Variants in ASCC3 observed in about 807,000 individuals in gnomAD.
ASCC3 encodes the protein ASC-1 complex subunit P200.
A neutral mutation model predicts 256.3 loss-of-function variants in ASCC3; 158 were observed. The ratio of observed to expected loss-of-function variants is 0.62; its 90% CI spans 0.54 to 0.70. The LOEUF is 0.70. ASCC3 is among the 30% of genes least tolerant of loss of function. ASCC3 has a pLI of 0.00. For synonymous variants in ASCC3, 948 were observed against 883.4 expected, an observed-to-expected ratio of 1.07 and a Z score of -1.30; for missense variants, 2,259 against 2,626.0, an observed-to-expected ratio of 0.86 and a Z score of 3.05.
intron 8 of ASCC3, among the ~76,000 whole-genome samples, chr6:100,775,928 A>C (rs2115155854): frequency 6.6e-6 from 1 of 152,184 alleles, no homozygotes; most frequent in East Asian, 1.9e-4. Context: ...TGAAATAATT[A>C]ACATCCATTA....
intron 36 of ASCC3, among the ~76,000 whole-genome samples, chr6:100,546,693 T>C (rs1461612458): frequency 6.6e-6 from 1 of 152,132 alleles, no homozygotes; most frequent in Non-Finnish European, 1.5e-5. Context: ...ATTTAACAAG[T>C]TTATTTATAG....
intron 3 of ASCC3, among the ~76,000 whole-genome samples, chr6:100,853,127 T>C (rs561116393): frequency 4.6e-5 from 7 of 152,276 alleles, no homozygotes; most frequent in African/African-American, 1.7e-4. Context: ...AAACCTTATA[T>C]AGAACCTTAC....
chr6:100,586,791 C>T (rs1399170131), intron 36 of ASCC3, among the ~76,000 whole-genome samples: 1 of 152,062 alleles, frequency 6.6e-6, no homozygotes, highest in Admixed American at 6.5e-5. Context: ...TATTAATACC[C>T]CCAAATCCTG....
chr6:100,663,479 T>C (rs892321310), intron 14 of ASCC3, among the ~76,000 whole-genome samples: 1 of 152,068 alleles, frequency 6.6e-6, no homozygotes, highest in African/African-American at 2.4e-5. Flanking sequence ...AGTAGTAGGC[T>C]TGGTTATCAG....
intron 26 of ASCC3, among the ~76,000 whole-genome samples, chr6:100,629,771 T>C (rs756374732): frequency 5.3e-5 from 8 of 152,084 alleles, no homozygotes; most frequent in Non-Finnish European, 7.4e-5. Context: ...CAGATCACAG[T>C]CATATAGTGA....
intron 12 of ASCC3, 37 bp downstream of exon 12, chr6:100,718,038 A>C (rs770406212): frequency 3.1e-6 from 5 of 1,593,760 alleles, no homozygotes; most frequent in Non-Finnish European, 4.3e-6. Context: ...TAAGTCAACA[A>C]AAATATTTTT....
In ASCC3 at chr6:100,525,686, T is replaced by C. The variant is rs542863672; in HGVS notation, c.5776-7544A>G. 3.9e-5 allele frequency among the ~76,000 whole-genome samples: 6 copies of C among 152,292 alleles called. No individual in the cohort carries two copies. In the East Asian group the frequency reaches 9.6e-4, roughly 24 times the overall value. ...ATAATTATTTGCCAAAATTGGCTTATTAATTGTAGCAAATGTACCTTACTA... is the reference window on the plus strand; with the variant it reads ...ATAATTATTTGCCAAAATTGGCTTACTAATTGTAGCAAATGTACCTTACTA... On this transcript the variant is annotated intron_variant, in intron 37 of 41. Coordinates refer to ENST00000369162, the MANE Select transcript of ASCC3 (RefSeq NM_006828.4).
At chr6:100,572,549 A>G (rs1770647354) in intron 36 of ASCC3, among the ~76,000 whole-genome samples, 1 of 152,180 alleles carries the variant, frequency 6.6e-6, no homozygotes, top group Non-Finnish European at 1.5e-5. Flanking sequence ...TGCCAGAAAT[A>G]ACAAACAAAC....
chr6:100,695,527 T>C (rs1778042317), intron 13 of ASCC3, among the ~76,000 whole-genome samples: 1 of 152,064 alleles, frequency 6.6e-6, no homozygotes, highest in South Asian at 2.1e-4. Context: ...ACAGAGAATG[T>C]CTTCATTTCC....
At chr6:100,806,459 T>A (rs1770187527) in intron 4 of ASCC3, among the ~76,000 whole-genome samples, 1 of 151,984 alleles carries the variant, frequency 6.6e-6, no homozygotes, top group Non-Finnish European at 1.5e-5. Flanking sequence ...TACCAAAGAT[T>A]AAGTTGATGT....
At chr6:100,644,533 C>T (rs1775286103) in intron 22 of ASCC3, among the ~76,000 whole-genome samples, 1 of 152,124 alleles carries the variant, frequency 6.6e-6, no homozygotes, top group Non-Finnish European at 1.5e-5. Context: ...TTTTTATTGT[C>T]TAATAATATC....
intron 14 of ASCC3, among the ~76,000 whole-genome samples, chr6:100,672,665 A>G (rs1776807849): frequency 6.6e-6 from 1 of 152,064 alleles, no homozygotes; most frequent in Non-Finnish European, 1.5e-5. Flanking sequence ...CCATCATGTA[A>G]CTGGTTGTTA....
chr6:100,823,647 T>A (rs183667000), intron 4 of ASCC3, among the ~76,000 whole-genome samples: 44 of 152,284 alleles, frequency 2.9e-4, no homozygotes, highest in Admixed American at 2.6e-3. Flanking sequence ...TAAAATTAAA[T>A]TTTTTAAGTA....
Position 100,629,163 on chromosome 6 carries a change from C to T in ASCC3, c.4227G>A (p.Gly1409=). 6.2e-7 allele frequency: 1 copy of T among 1,613,420 alleles called. No individual in the cohort carries two copies. The highest frequency in any genetic ancestry group is 8.5e-7 in the Non-Finnish European group (1 of 1,179,614). The part of the protein sequence containing the change: ...KLGKKVIELT[G]DVTPDMKSIA... ...TGGATTTCATATCAGGAGTCACATC[C>T]CCTGTTAGTTCAATAACTCTGGAGG... Residue 1409 remains glycine (G), a synonymous_variant, in exon 27 of 42, where the codon GGG becomes GGA. Coordinates refer to ENST00000369162, the MANE Select transcript of ASCC3 (RefSeq NM_006828.4).
chr6:100,644,259 C>G, intron 22 of ASCC3, 130 bp from the exon 23 acceptor site: 1 of 687,152 alleles, frequency 1.5e-6, no homozygotes, highest in South Asian at 1.6e-5. Context: ...TTAAACATTT[C>G]AAGTATACAG....
intron 3 of ASCC3, chr6:100,858,023 C>G (rs1369438803): frequency 1.2e-5 from 2 of 169,274 alleles, no homozygotes; most frequent in African/African-American, 4.8e-5. Context: ...TTATTTAGAT[C>G]TTCTTTAAAT....
chr6:100,555,897 G>A (rs971376820), intron 36 of ASCC3, among the ~76,000 whole-genome samples: 1 of 144,072 alleles, frequency 6.9e-6, no homozygotes, highest in Non-Finnish European at 1.5e-5. Flanking sequence ...TCCAAAGGCT[G>A]AGGTGGGATG....
chr6:100,661,873 A>G lies in ASCC3; in HGVS notation c.2636T>C (p.Leu879Ser), dbSNP rs780589541. Residue 879 changes from leucine to serine, a missense_variant, in exon 16 of 42, where the codon TTG becomes TCG. Leu to Ser is a moderately radical substitution (Grantham distance 145). This residue lies in a region of ASCC3 where 1,839 missense variants were observed against 2,206.7 expected (regional missense o/e 0.83). Coordinates refer to ENST00000369162, the MANE Select transcript of ASCC3 (RefSeq NM_006828.4). ...CTCAATTGGGTTTCGTTGAGTGAGCAAAGTGAGGTAATGGCTGAGTTTATC... is the reference window on the plus strand; with the variant it reads ...CTCAATTGGGTTTCGTTGAGTGAGCGAAGTGAGGTAATGGCTGAGTTTATC... ...THDKLSHYLTLLTQRNPIESQ... is the reference protein window; with the variant it reads ...THDKLSHYLTSLTQRNPIESQ... 4 of 1,613,406 alleles carry G rather than the reference A, an allele frequency of 2.5e-6. No homozygotes were observed. Among genetic ancestry groups the G allele is most frequent in the Non-Finnish European group, 3.4e-6 (4 of 1,179,478 alleles).
rs34349448 is a variant in ASCC3 at position 100,713,787 on chromosome 6, CAA to C, written c.2151+1673_2151+1674del. 0.013 allele frequency among the ~76,000 whole-genome samples: 1,956 copies of C among 152,122 alleles called. 100 individuals carry two copies. In the East Asian group the frequency reaches 0.15, roughly 11 times the overall value. ...CTGAATCTTTTTGATATTCCCTATA[CAA>C]AAAGAGTTTACAGACCACAGGTACA... On this transcript the variant is annotated intron_variant, in intron 13 of 41. Transcript: ENST00000369162.
Sources: allele counts gnomAD v4.1 joint callset (sites outside exome capture counted in the v4.1 genomes callset), GRCh38; gene constraint gnomAD v4.1.1; regional missense constraint gnomAD v4.1.1; transcripts MANE v1.5; gene names NCBI Gene and HGNC (gene_info 2026-07-23, HGNC 2026-07-21).